Variants in CLEC16A observed in about 807,000 individuals in gnomAD.
The protein encoded by CLEC16A is protein CLEC16A.
CLEC16A carries 51 observed loss-of-function variants against 109.5 expected under a neutral mutation model. That is an observed-to-expected ratio of 0.47 (90% CI 0.37 to 0.59). The LOEUF is 0.59. Ranked by LOEUF, CLEC16A falls within the 20% of genes least tolerant of loss-of-function variation. CLEC16A has a pLI of 0.00. For synonymous variants in CLEC16A, 673 were observed against 564.2 expected, an observed-to-expected ratio of 1.19 and a Z score of -2.73; for missense variants, 1,339 against 1,394.0, an observed-to-expected ratio of 0.96 and a Z score of 0.63.
chr16:11,160,738 A>G (rs771334357), intron 22 of CLEC16A, among the ~76,000 whole-genome samples: 2 of 152,234 alleles, frequency 1.3e-5, no homozygotes, highest in Non-Finnish European at 2.9e-5. Context: ...CCTCTCGGGT[A>G]AAAGAAGCCT....
chr16:11,092,427 G>A (rs1370501239), intron 19 of CLEC16A, among the ~76,000 whole-genome samples: 1 of 150,316 alleles, frequency 6.7e-6, no homozygotes, highest in African/African-American at 2.5e-5. Context: ...GTGGGAGCCT[G>A]TAGTCCCAGC....
chr16:11,033,645 C>T (rs1254155051), intron 13 of CLEC16A, among the ~76,000 whole-genome samples: 1 of 152,188 alleles, frequency 6.6e-6, no homozygotes, highest in Non-Finnish European at 1.5e-5. Flanking sequence ...CCCCCCAAAT[C>T]AGGTCCCAAG....
intron 19 of CLEC16A, among the ~76,000 whole-genome samples, chr16:11,073,659 C>T (rs2049191367): frequency 6.6e-6 from 1 of 152,218 alleles, no homozygotes. Flanking sequence ...GGCTCCTGGA[C>T]ACAGCCTGCC....
At chr16:11,084,678 A>G (rs899260510) in intron 19 of CLEC16A, among the ~76,000 whole-genome samples, 4 of 152,226 alleles carry the variant, frequency 2.6e-5, no homozygotes, top group African/African-American at 7.2e-5. Context: ...CTCGCCGGCT[A>G]TATGAGTCAT....
Position 10,954,502 on chromosome 16 carries a change from A to G in CLEC16A, c.81-3280A>G, listed in dbSNP as rs1395231484. 6.6e-6 allele frequency among the ~76,000 whole-genome samples: 1 copy of G among 152,208 alleles called. No individual in the cohort carries two copies. Among genetic ancestry groups the G allele is most frequent in the Non-Finnish European group, 1.5e-5 (1 of 68,030 alleles). ...ATACATAGTAACTGCCAAGTTAGTT[A>G]TCTGTTATCTCCCAACACCACCAAA... is the stretch of plus-strand genomic sequence containing the variant. On this transcript the variant is annotated intron_variant, in intron 1 of 23. Coordinates refer to ENST00000409790, the MANE Select transcript of CLEC16A (RefSeq NM_015226.3). This position sits in a 1 kb window ranked among gnomAD's most constrained non-coding sequence, Gnocchi z 4.2.
At chr16:10,950,619 T>C (rs1488873207) in intron 1 of CLEC16A, among the ~76,000 whole-genome samples, 1 of 152,170 alleles carries the variant, frequency 6.6e-6, no homozygotes, top group Non-Finnish European at 1.5e-5. Flanking sequence ...GATTCCACCC[T>C]CCGTGAAGCT....
At chr16:11,175,885 C>G (rs1396777838) in intron 23 of CLEC16A, among the ~76,000 whole-genome samples, 3 of 152,220 alleles carry the variant, frequency 2.0e-5, no homozygotes, top group African/African-American at 7.2e-5. Context: ...TATCTGCATG[C>G]AAATGCAGAC....
In CLEC16A at chr16:11,138,325, G is replaced by A. The variant is rs540745583; in HGVS notation, c.2641+12179G>A. Among the ~76,000 whole-genome samples the A allele has an allele frequency of 2.0e-5, 3 of 152,338 alleles. No homozygotes were observed. The East Asian group carries it at 5.8e-4, about 29-fold the overall frequency. ...GCACATGCAAAGGTGTGGCTGCAGG[G>A]TAGGGATGAACAGAGAGCTGGGAAG... On this transcript the variant is annotated intron_variant, in intron 22 of 23. Coordinates refer to ENST00000409790, the MANE Select transcript of CLEC16A (RefSeq NM_015226.3).
chr16:11,166,624 C>G, intron 23 of CLEC16A, 72 bp downstream of exon 23: 1 of 1,428,360 alleles, frequency 7.0e-7, no homozygotes, highest in Admixed American at 2.5e-5. Flanking sequence ...TACCAAAACC[C>G]CTGACCTCCA....
intron 4 of CLEC16A, among the ~76,000 whole-genome samples, chr16:10,969,837 C>T (rs1016608294): frequency 6.6e-6 from 1 of 152,176 alleles, no homozygotes; most frequent in Non-Finnish European, 1.5e-5. Context: ...TTCTGAACCT[C>T]AGTTTCCTCA....
intron 22 of CLEC16A, among the ~76,000 whole-genome samples, chr16:11,151,357 A>T (rs1296755255): frequency 6.6e-6 from 1 of 152,080 alleles, no homozygotes; most frequent in East Asian, 1.9e-4. Flanking sequence ...GAGTAGGGGG[A>T]TGCCCACCTG....
chr16:11,003,250 G>A lies in CLEC16A; in HGVS notation c.1248G>A (p.Lys416=). ...PTEDAQEDAE[K]AKGTEGGSKG... ...AGGATGCCCAAGAAGACGCCGAGAA[G>A]GCTAAAGGTACAGAGGGTGGTTCAA... The change falls in exon 11 of 24, where the codon AAG becomes AAA. Residue 416 remains lysine, a synonymous_variant. Transcript: ENST00000409790. 6.2e-7 allele frequency: 1 copy of A among 1,613,044 alleles called. No individual in the cohort carries two copies. The highest frequency in any genetic ancestry group is 8.5e-7 in the Non-Finnish European group (1 of 1,179,802).
At chr16:11,126,168 C>T (rs200970458) in intron 22 of CLEC16A, 22 bp downstream of exon 22, 42 of 1,613,456 alleles carry the variant, frequency 2.6e-5, no homozygotes, top group Non-Finnish European at 3.4e-5. Flanking sequence ...CCCCGCCCTG[C>T]GCCACAGCTC....
chr16:11,015,414 G>T (rs1380239892), intron 11 of CLEC16A, among the ~76,000 whole-genome samples: 1 of 152,184 alleles, frequency 6.6e-6, no homozygotes, highest in Non-Finnish European at 1.5e-5. Flanking sequence ...GTGGGTTTCT[G>T]TGCACTCATA....
rs2047201531 is a variant in CLEC16A at position 11,039,493 on chromosome 16, C to T, written c.1538-261C>T. ...ACAGCAGTTGCCAAGAGGGGACAGG[C>T]GCAGTGGCTCACAACAGTAATCCCA... On this transcript the variant is annotated intron_variant, in intron 13 of 23. Transcript: ENST00000409790. Among the ~76,000 whole-genome samples the T allele has an allele frequency of 3.9e-5, 6 of 152,204 alleles. No individual in the cohort carries two copies. In the South Asian group the frequency reaches 1.0e-3, roughly 26 times the overall value.
Position 11,174,105 on chromosome 16 carries a change from T to C in CLEC16A, c.2807-4230T>C, listed in dbSNP as rs759448953. ...TGTCCCCTCCATGTCGCCTCTGCCG[T>C]CCCATTGTTAAAGGCTTTCTATGAT... On this transcript the variant is annotated intron_variant, in intron 23 of 23. Coordinates refer to ENST00000409790, the MANE Select transcript of CLEC16A (RefSeq NM_015226.3). This position sits in a 1 kb window ranked among gnomAD's most constrained non-coding sequence, Gnocchi z 4.7. 9 of 453,042 alleles carry C rather than the reference T, an allele frequency of 2.0e-5. No homozygotes were observed. The highest frequency in any genetic ancestry group is 1.3e-4 in the South Asian group (8 of 63,592). 28.1% of individuals were successfully genotyped at this position (453,042 alleles called of 1,614,324 possible). A position where few individuals can be genotyped will look rare whatever the true frequency, so the allele number is the denominator to read the frequency against.
At chr16:10,992,807 A>C (rs1324102059) in intron 10 of CLEC16A, among the ~76,000 whole-genome samples, 2 of 152,172 alleles carry the variant, frequency 1.3e-5, no homozygotes, top group African/African-American at 2.4e-5. Flanking sequence ...ACAGTAAGCC[A>C]GCTCATCCTC....
intron 7 of CLEC16A, among the ~76,000 whole-genome samples, chr16:10,976,396 A>G (rs1024305718): frequency 6.6e-5 from 10 of 151,684 alleles, no homozygotes; most frequent in Admixed American, 2.0e-4. Context: ...TGTGACATCT[A>G]TATTTTAGAT....
chr16:11,032,339 G>T (rs2046790647), intron 13 of CLEC16A, among the ~76,000 whole-genome samples: 1 of 152,192 alleles, frequency 6.6e-6, no homozygotes. Context: ...GCTGCTGGGG[G>T]GCAGTTGGTC....
Sources: allele counts gnomAD v4.1 joint callset (sites outside exome capture counted in the v4.1 genomes callset), GRCh38; gene constraint gnomAD v4.1.1; non-coding constraint Gnocchi (gnomAD v3.1); transcripts MANE v1.5; gene names NCBI Gene and HGNC (gene_info 2026-07-23, HGNC 2026-07-21).